OR11G2: variants seen among roughly 807,000 people sequenced by gnomAD.
The protein encoded by OR11G2 is olfactory receptor family 11 subfamily G member 2.
Under a neutral mutation model 0.9 loss-of-function variants are expected in OR11G2, and 2 were observed. The ratio of observed to expected loss-of-function variants is 2.35; its 90% CI spans 0.96 to 7.38. The LOEUF (loss-of-function observed/expected upper bound fraction) is 7.38. Ranked by LOEUF, OR11G2 falls within the 30% of genes most tolerant of loss-of-function variation. OR11G2 has a pLI of 0.05. For missense variants in OR11G2, 395 were observed against 371.3 expected (o/e 1.06, Z -0.52); for synonymous variants, 153 against 142.0 (o/e 1.08, Z -0.55).
chr14:20,198,521 G>A lies in OR11G2; in HGVS notation c.*148G>A, dbSNP rs1879830539. On this transcript the variant is annotated 3_prime_UTR_variant, in exon 2 of 2. Transcript: ENST00000641879. ...AGGCGGGTGGATCACGAGGTCAGGA[G>A]ATCAAGACCACCCTGGCTAACACGG... The A allele has an allele frequency of 1.7e-6, 1 of 583,996 alleles. No individual in the cohort carries two copies. The highest frequency in any genetic ancestry group is 1.9e-5 in the African/African-American group (1 of 54,032). 36.2% of individuals were successfully genotyped at this position (583,996 alleles called of 1,614,324 possible).
At chr14:20,196,128 T>C (rs1027521796) in intron 1 of OR11G2, among the ~76,000 whole-genome samples, 26 of 152,218 alleles carry the variant, frequency 1.7e-4, no homozygotes, top group Non-Finnish European at 3.2e-4. Context: ...GGTTTACAGT[T>C]GTCTCTGGTA....
At chr14:20,196,902 T>C (rs540305367) in intron 1 of OR11G2, among the ~76,000 whole-genome samples, 102 of 152,324 alleles carry the variant, frequency 6.7e-4, no homozygotes, top group African/African-American at 2.4e-3. Context: ...GTTAACCATT[T>C]AATTTAGAAT....
rs781047234 is a variant in OR11G2 at position 20,198,190 on chromosome 14, G to A, written c.753G>A (p.Val251=). Residue 251 remains valine, a synonymous_variant, in exon 2 of 2, where the codon GTG becomes GTA. Coordinates refer to ENST00000641879, the MANE Select transcript of OR11G2 (RefSeq NM_001386033.1). ...CCACCTGTGGGTCTCACCTGGCTGT[G>A]GTTTCACTGTTCTACGGCTCAGTAC... ...AFSTCGSHLA[V]VSLFYGSVLV... 1.2e-6 allele frequency: 2 copies of A among 1,614,126 alleles called. No homozygotes were observed. The highest frequency in any genetic ancestry group is 1.7e-6 in the Non-Finnish European group (2 of 1,180,038).
intron 1 of OR11G2, among the ~76,000 whole-genome samples, chr14:20,193,831 C>T (rs1879700763): frequency 6.6e-6 from 1 of 152,178 alleles, no homozygotes; most frequent in Non-Finnish European, 1.5e-5. Flanking sequence ...GTGAGTATCA[C>T]AGAGATGGAA....
At position 20,199,393 on chromosome 14, in the gene OR11G2, A is replaced by G. The variant is rs1476333852; in HGVS notation, c.*1020A>G. The G allele has an allele frequency of 1.3e-5, 2 of 152,146 alleles. No individual in the cohort carries two copies. Among genetic ancestry groups the G allele is most frequent in the Non-Finnish European group, 2.9e-5 (2 of 68,034 alleles). 9.4% of individuals were successfully genotyped at this position (152,146 alleles called of 1,614,324 possible). On this transcript the variant is annotated 3_prime_UTR_variant, in exon 2 of 2. Coordinates refer to ENST00000641879, the MANE Select transcript of OR11G2 (RefSeq NM_001386033.1). ...AATTCTCTACCTTCTCAGTTCAGTA[A>G]AACTACTGCTTTCTGCTCAGTCCTT...
Position 20,194,774 on chromosome 14 carries a change from T to A in OR11G2, c.-4-2660T>A, listed in dbSNP as rs193235180. On this transcript the variant is annotated intron_variant, in intron 1 of 1. Coordinates refer to ENST00000641879, the MANE Select transcript of OR11G2 (RefSeq NM_001386033.1). Reference sequence around the variant, plus strand: ...ATTCATTAGTAATTCATTAGTTTTATTCATTAGCCATGAATGGCTCGTGTG... The same window carrying A: ...ATTCATTAGTAATTCATTAGTTTTAATCATTAGCCATGAATGGCTCGTGTG... 5.3e-5 allele frequency among the ~76,000 whole-genome samples: 8 copies of A among 152,362 alleles called. No homozygotes were observed. The East Asian group carries it at 9.6e-4, about 18-fold the overall frequency.
At chr14:20,195,417 G>A (rs761632500) in intron 1 of OR11G2, among the ~76,000 whole-genome samples, 8 of 152,182 alleles carry the variant, frequency 5.3e-5, no homozygotes, top group Non-Finnish European at 1.2e-4. Context: ...GCTTGTGCCT[G>A]TAATCCCAGC....
rs569021169 is a variant in OR11G2, at chr14:20,192,035, G to A, written c.-5+369G>A. 3.2e-4 allele frequency among the ~76,000 whole-genome samples: 48 copies of A among 151,986 alleles called. 1 individual carries two copies. The South Asian group carries it at 1.0e-2, about 32-fold the overall frequency. On this transcript the variant is annotated intron_variant, in intron 1 of 1. Transcript: ENST00000641879. The stretch of plus-strand genomic sequence containing the variant: ...AGCCTCCCAAGTAGCTGAGATTACT[G>A]GCACATATGACCATACCCGGCTAAT...
rs2139114118 is a variant in OR11G2, at chr14:20,197,807, T to C, written c.370T>C (p.Phe124Leu). The change falls in exon 2 of 2, where the codon TTT becomes CTT. Residue 124 changes from phenylalanine (F) to leucine (L), a missense_variant. Phe to Leu is a conservative substitution (Grantham distance 22). Coordinates refer to ENST00000641879, the MANE Select transcript of OR11G2 (RefSeq NM_001386033.1). ...ATGCTTTTTCCTGGCAGTTATGGCA[T>C]TTGATCGATACCTTGCCATCTGTCG... ...TECFFLAVMA[F>L]DRYLAICRPL... 2 of 1,614,106 alleles carry C rather than the reference T, an allele frequency of 1.2e-6. No homozygotes were observed. The highest frequency in any genetic ancestry group is 2.2e-5 in the East Asian group (1 of 44,876).
chr14:20,195,844 CAT>C (rs1489966791), intron 1 of OR11G2, among the ~76,000 whole-genome samples: 1 of 152,008 alleles, frequency 6.6e-6, no homozygotes, highest in Non-Finnish European at 1.5e-5. Flanking sequence ...GAAAAACAAA[CAT>C]AAGTTTATGA....
chr14:20,197,675 T>C lies in OR11G2; in HGVS notation c.238T>C (p.Ser80Pro). 6.2e-7 allele frequency: 1 copy of C among 1,613,956 alleles called. No homozygotes were observed. The change falls in exon 2 of 2, where the codon TCC becomes CCC. Residue 80 changes from serine to proline, a missense_variant. Transcript: ENST00000641879. Reference sequence around the variant, plus strand: ...CTTCTTGGAGATATGTTATGTCACCTCCACAGTCCCCAGCATGCTGGCCAA... The same window carrying C: ...CTTCTTGGAGATATGTTATGTCACCCCCACAGTCCCCAGCATGCTGGCCAA... ...FSFLEICYVT[S>P]TVPSMLANFL...
intron 1 of OR11G2, 27 bp from the exon 2 acceptor site, chr14:20,197,407 A>T: frequency 2.5e-6 from 4 of 1,611,712 alleles, no homozygotes; most frequent in Non-Finnish European, 3.4e-6. Flanking sequence ...GTCATTCAGT[A>T]ATTGCTGGTG....
At chr14:20,193,426 T>C in intron 1 of OR11G2, among the ~76,000 whole-genome samples, 1 of 152,158 alleles carries the variant, frequency 6.6e-6, no homozygotes, top group East Asian at 1.9e-4. Context: ...AACAAAGGTA[T>C]TTGCCTCACC....
chr14:20,199,828 T>C lies in OR11G2; in HGVS notation c.*1455T>C, dbSNP rs933918640. The C allele has an allele frequency of 6.6e-6, 1 of 152,124 alleles. No homozygotes were observed. The highest frequency in any genetic ancestry group is 1.5e-5 in the Non-Finnish European group (1 of 68,018). The allele number at this position is 152,124 out of a possible 1,614,324, so 9.4% of individuals were successfully genotyped here. On this transcript the variant is annotated 3_prime_UTR_variant, in exon 2 of 2. Transcript: ENST00000641879. The stretch of plus-strand genomic sequence containing the variant: ...GGATGCACACCTGCTTTTCTTTTCA[T>C]TGCAACCAGCAAAGAATCCCTGAGG...
rs2139113613 is a variant in OR11G2 at position 20,197,696 on chromosome 14, G to A, written c.259G>A (p.Ala87Thr). 2 of 1,613,760 alleles carry A rather than the reference G, an allele frequency of 1.2e-6. No homozygotes were observed. Among genetic ancestry groups the A allele is most frequent in the East Asian group, 2.2e-5 (1 of 44,874 alleles). The part of the protein sequence containing the change: ...YVTSTVPSML[A>T]NFLSDTKIIS... The stretch of plus-strand genomic sequence containing the variant: ...CACCTCCACAGTCCCCAGCATGCTG[G>A]CCAACTTCCTCTCTGACACCAAGAT... Residue 87 changes from alanine (A) to threonine (T), a missense_variant, in exon 2 of 2, where the codon GCC becomes ACC. Transcript: ENST00000641879.
chr14:20,197,345 C>A lies in OR11G2; in HGVS notation c.-4-89C>A, dbSNP rs576989059. 7.3e-6 allele frequency: 11 copies of A among 1,515,982 alleles called. No homozygotes were observed. In the East Asian group the frequency reaches 2.1e-4, roughly 28 times the overall value. The allele number at this position is 1,515,982 out of a possible 1,614,324, so 93.9% of individuals were successfully genotyped here. ...TTTCAATAGTAAATTTATGCATTTT[C>A]TTTCCCAAAATGATTTAAATATAAA... On this transcript the variant is annotated intron_variant, in intron 1 of 1. Transcript: ENST00000641879.
chr14:20,193,785 A>G (rs1158674486), intron 1 of OR11G2, among the ~76,000 whole-genome samples: 1 of 152,218 alleles, frequency 6.6e-6, no homozygotes, highest in East Asian at 1.9e-4. Flanking sequence ...AGCCCATGAG[A>G]CTAAACTATT....
rs1187727103 is a variant in OR11G2, at chr14:20,199,402, C to A, written c.*1029C>A. ...CCTTCTCAGTTCAGTAAAACTACTG[C>A]TTTCTGCTCAGTCCTTATTCCTCCT... is the stretch of plus-strand genomic sequence containing the variant. On this transcript the variant is annotated 3_prime_UTR_variant, in exon 2 of 2. Transcript: ENST00000641879. 1.3e-5 allele frequency: 2 copies of A among 152,220 alleles called. No homozygotes were observed. The highest frequency in any genetic ancestry group is 1.3e-4 in the Admixed American group (2 of 15,282). The allele number at this position is 152,220 out of a possible 1,614,324, so 9.4% of individuals were successfully genotyped here.
At position 20,198,622 on chromosome 14, in the gene OR11G2, G is replaced by C. The variant is rs11624321; in HGVS notation, c.*249G>C. On this transcript the variant is annotated 3_prime_UTR_variant, in exon 2 of 2. Coordinates refer to ENST00000641879, the MANE Select transcript of OR11G2 (RefSeq NM_001386033.1). ...CGGACGCCTGTAGTCCCAGCTACTC[G>C]GGAGGCTGAGGCAGGAGAATGGCGT... is the stretch of plus-strand genomic sequence containing the variant. 75,001 of 223,274 alleles carry C rather than the reference G, an allele frequency of 0.34. 13,470 individuals carry two copies. Among genetic ancestry groups the C allele is most frequent in the African/African-American group, 0.37 (16,042 of 43,386 alleles). The allele number at this position is 223,274 out of a possible 1,614,324, so 13.8% of individuals were successfully genotyped here.
Sources: allele counts gnomAD v4.1 joint callset (sites outside exome capture counted in the v4.1 genomes callset), GRCh38; gene constraint gnomAD v4.1.1; transcripts MANE v1.5; gene names NCBI Gene and HGNC (gene_info 2026-07-23, HGNC 2026-07-21).